The following TMEM235 variants were observed in gnomAD, a reference collection of about 807,000 sequenced individuals.
TMEM235 encodes claudin-27.
A neutral mutation model predicts 22.9 loss-of-function variants in TMEM235; 23 were observed. The observed-to-expected ratio is 1.00, with a 90% confidence interval of 0.72 to 1.42. The LOEUF (loss-of-function observed/expected upper bound fraction) is 1.42, where lower values mean the gene tolerates loss of function less well. Ranked by LOEUF, TMEM235 falls within the 40% of genes most tolerant of loss-of-function variation. The pLI is 0.00. For synonymous variants in TMEM235, 137 were observed against 140.5 expected (o/e 0.98, Z 0.17); for missense variants, 308 against 299.5 (o/e 1.03, Z -0.21).
exon 5 of TMEM235, chr17:78,239,090 T>C (rs2145928151): frequency 6.5e-7 from 1 of 1,544,264 alleles, no homozygotes; most frequent in African/African-American, 1.4e-5. Context: ...GCGGAGACGG[T>C]GCAGCAGTAT....
chr17:78,231,682 G>T, exon 2 of TMEM235: 1 of 1,291,426 alleles, frequency 7.7e-7, no homozygotes, highest in Non-Finnish European at 1.0e-6. Flanking sequence ...CTGCTGAGGA[G>T]CCGGGGGTTC....
intron 2 of TMEM235, among the ~76,000 whole-genome samples, chr17:78,233,119 A>C (rs1009507643): frequency 5.3e-4 from 80 of 152,002 alleles, no homozygotes; most frequent in African/African-American, 1.9e-3. Context: ...TGCTCCAAAG[A>C]CCTCCTGACA....
rs1599048196 is a variant in TMEM235, at chr17:78,239,348, G to A, written c.659+75G>A. The A allele has an allele frequency of 3.4e-6, 5 of 1,462,118 alleles. No individual in the cohort carries two copies. The East Asian group carries it at 7.5e-5, about 22-fold the overall frequency. The allele number at this position is 1,462,118 out of a possible 1,614,324, so 90.6% of individuals were successfully genotyped here. A position where few individuals can be genotyped will look rare whatever the true frequency, so the allele number is the denominator to read the frequency against. ...GGGCCAGGGCCCCTTGAGAGTCTGGGAATCCCTTCTCTGGGCCTCGCTGGG... is the reference window on the plus strand; with the variant it reads ...GGGCCAGGGCCCCTTGAGAGTCTGGAAATCCCTTCTCTGGGCCTCGCTGGG... On this transcript the variant is annotated intron_variant, in intron 5 of 5. Transcript: ENST00000421688.
rs762901668 is a variant in TMEM235, at chr17:78,239,127, C to T, written c.513C>T (p.Arg171=). ...GCCCGCAGCACATGCAGGGCGTCCG[C>T]GTCAGCTTCGGCTGGTCCATGGCCC... Residue 171 remains arginine (R), a synonymous_variant, in exon 5 of 6, where the codon CGC becomes CGT. Transcript: ENST00000421688. The T allele has an allele frequency of 3.4e-5, 52 of 1,543,200 alleles. No individual in the cohort carries two copies. In the East Asian group the frequency reaches 1.1e-3, roughly 33 times the overall value.
chr17:78,238,912 C>T lies in TMEM235; in HGVS notation c.410-112C>T. Reference sequence around the variant, plus strand: ...GAAGGGCGGTGTGCTGCCTGCAGCTCTGCCTGAATGCTAGCGGGGCCGGGG... The same window carrying T: ...GAAGGGCGGTGTGCTGCCTGCAGCTTTGCCTGAATGCTAGCGGGGCCGGGG... On this transcript the variant is annotated intron_variant, in intron 4 of 5. Coordinates refer to ENST00000421688, the Ensembl canonical transcript of TMEM235. The surrounding 1 kb of genome is among the most constrained non-coding windows in gnomAD (Gnocchi z 4.3). The T allele has an allele frequency of 1.4e-6, 2 of 1,438,628 alleles. No homozygotes were observed. The highest frequency in any genetic ancestry group is 1.8e-6 in the Non-Finnish European group (2 of 1,087,940). The allele number at this position is 1,438,628 out of a possible 1,614,324, so 89.1% of individuals were successfully genotyped here.
At chr17:78,240,074 C>T in exon 6 of TMEM235, 2 of 1,435,636 alleles carry the variant, frequency 1.4e-6, no homozygotes, top group Non-Finnish European at 1.9e-6. Flanking sequence ...AGATCTCTGT[C>T]CTTGTCCTGG....
chr17:78,240,196 C>T, exon 6 of TMEM235: 1 of 641,854 alleles, frequency 1.6e-6, no homozygotes, highest in Non-Finnish European at 2.2e-6. Context: ...AGATGGAAGT[C>T]CCAGAAGGGT....
At chr17:78,235,599 GT>G (rs71160277) in intron 4 of TMEM235, among the ~76,000 whole-genome samples, 1,376 of 118,770 alleles carry the variant, frequency 0.012, 16 homozygotes, top group African/African-American at 0.035. Flanking sequence ...GTGCTACATA[GT>G]TTTTTTTTTT....
chr17:78,233,872 G>A (rs1251744543), intron 2 of TMEM235, 23 bp from the exon 2 acceptor site: 5 of 1,535,366 alleles, frequency 3.3e-6, no homozygotes, highest in Non-Finnish European at 4.4e-6. Flanking sequence ...CAGGCCCCAG[G>A]CTTCGAGGCC....
rs566839074 is a variant in TMEM235 at position 78,238,004 on chromosome 17, G to C, written c.410-1020G>C. On this transcript the variant is annotated intron_variant, in intron 4 of 5. Transcript: ENST00000421688. This position sits in a 1 kb window ranked among gnomAD's most constrained non-coding sequence, Gnocchi z 4.3. ...TGGGTCAGTTGCCTTCTTTTGGCTG[G>C]GCAGTGCCCAGAGGGGACCCTGTGC... Among the ~76,000 whole-genome samples the C allele has an allele frequency of 6.6e-6, 1 of 152,322 alleles. No individual in the cohort carries two copies. The highest frequency in any genetic ancestry group is 3.4e-3 in the Middle Eastern group (1 of 294).
chr17:78,239,317 C>A (rs1241421396), intron 5 of TMEM235, 44 bp downstream of exon 4: 3 of 1,515,060 alleles, frequency 2.0e-6, no homozygotes, highest in Admixed American at 4.0e-5. Flanking sequence ...CGGGATTGGG[C>A]GGTCAGGGCC....
At position 78,239,906 on chromosome 17, in the gene TMEM235, G is replaced by A. The variant is rs1385251641; in HGVS notation, c.*114G>A. The A allele has an allele frequency of 3.2e-6, 5 of 1,551,244 alleles. No individual in the cohort carries two copies. In the African/African-American group the frequency reaches 4.1e-5, roughly 13 times the overall value. ...CCACTCTCCCCGAAGGGCAGGCTTG[G>A]TGGAGAAGAGGCTGATGAGAGGGCC... On this transcript the variant is annotated 3_prime_UTR_variant, in exon 6 of 6. Coordinates refer to ENST00000421688, the Ensembl canonical transcript of TMEM235.
In TMEM235 at chr17:78,239,150, C is replaced by T. The variant is rs1284910020; in HGVS notation, c.536C>T (p.Ala179Val). ...CGCGTCAGCTTCGGCTGGTCCATGGCCCTGGCCTGGGGCTCCTGTGCCTTG... is the reference window on the plus strand; with the variant it reads ...CGCGTCAGCTTCGGCTGGTCCATGGTCCTGGCCTGGGGCTCCTGTGCCTTG... Residue 179 changes from alanine (A) to valine (V), a missense_variant, in exon 5 of 6, where the codon GCC becomes GTC. By Grantham distance (64) the Ala-to-Val change is moderately conservative. Transcript: ENST00000421688. 3.9e-6 allele frequency: 6 copies of T among 1,542,648 alleles called. No homozygotes were observed. Among genetic ancestry groups the T allele is most frequent in the African/African-American group, 1.4e-5 (1 of 73,068 alleles).
At chr17:78,231,639 C>A (rs2076579941) in exon 2 of TMEM235, 1 of 1,301,772 alleles carries the variant, frequency 7.7e-7, no homozygotes, top group Admixed American at 2.3e-5. Flanking sequence ...TCAAGCCCTG[C>A]ACAGCCCGGC....
At chr17:78,231,326 T>C in exon 1 of TMEM235, 2 of 1,125,530 alleles carry the variant, frequency 1.8e-6, no homozygotes, top group South Asian at 3.1e-5. Context: ...GAAGGTTCTT[T>C]CTGCCTGTTT....
chr17:78,233,669 TG>T (rs1387256103), intron 2 of TMEM235, among the ~76,000 whole-genome samples: 68 of 143,112 alleles, frequency 4.8e-4, no homozygotes, highest in African/African-American at 1.7e-3. Flanking sequence ...CACTCCAGCC[TG>T]GGGTGACAGA....
chr17:78,231,558 G>C, exon 2 of TMEM235: 1 of 1,303,956 alleles, frequency 7.7e-7, no homozygotes, highest in South Asian at 1.2e-5. Flanking sequence ...CCAGGAGCAC[G>C]GGTGGGTGGT....
chr17:78,234,383 G>A, intron 3 of TMEM235: 1 of 771,804 alleles, frequency 1.3e-6, no homozygotes. Context: ...GATGGGGGCT[G>A]GGAGTGTTCT....
intron 2 of TMEM235, among the ~76,000 whole-genome samples, chr17:78,233,127 A>G (rs967715857): frequency 1.3e-5 from 2 of 152,194 alleles, no homozygotes; most frequent in Admixed American, 1.3e-4. Flanking sequence ...AGACCTCCTG[A>G]CATGCACCTG....
Sources: gnomAD v4.1 joint callset for allele counts (sites outside exome capture counted in the v4.1 genomes callset) on GRCh38, gnomAD v4.1.1 for gene constraint, Gnocchi (gnomAD v3.1) non-coding constraint, MANE v1.5 for transcripts, NCBI Gene and HGNC (gene_info 2026-07-23, HGNC 2026-07-21) for gene names.